Variants in CREB5 observed in about 807,000 individuals in gnomAD.
CREB5 encodes the protein cyclic AMP-responsive element-binding protein 5.
Under a neutral mutation model 57.1 loss-of-function variants are expected in CREB5, and 19 were observed. That is an observed-to-expected ratio of 0.33 (90% CI 0.23 to 0.49). The LOEUF (loss-of-function observed/expected upper bound fraction) is 0.49, where lower values mean the gene tolerates loss of function less well. CREB5 is among the 20% of genes least tolerant of loss of function. The pLI is 0.99. For missense variants in CREB5, 579 were observed against 671.6 expected (o/e 0.86, Z 1.52); for synonymous variants, 238 against 238.3 (o/e 1.00, Z 0.01).
At chr7:28,784,546 G>C (rs894146914) in intron 7 of CREB5, among the ~76,000 whole-genome samples, 1 of 152,012 alleles carries the variant, frequency 6.6e-6, no homozygotes, top group Non-Finnish European at 1.5e-5. Flanking sequence ...CCAACATAGA[G>C]TTGAAGTGAG....
chr7:28,747,083 G>T lies in CREB5; in HGVS notation c.702+22751G>T, dbSNP rs78032434. ...AATCATTTAGAAAAACTAGAAACAA[G>T]ACTTTTTTTTTTTTTCCTGAGGCTG... On this transcript the variant is annotated intron_variant, in intron 7 of 10. Coordinates refer to ENST00000357727, the MANE Select transcript of CREB5 (RefSeq NM_182898.4). Among the ~76,000 whole-genome samples the T allele has an allele frequency of 1.5e-3, 218 of 146,462 alleles. 4 individuals are homozygous for T. The East Asian group carries it at 0.037, about 25-fold the overall frequency.
intron 3 of CREB5, among the ~76,000 whole-genome samples, chr7:28,498,103 T>C (rs1203957418): frequency 6.6e-6 from 1 of 152,180 alleles, no homozygotes; most frequent in East Asian, 1.9e-4. Flanking sequence ...GAACTCACAC[T>C]AAAGCCTTCT....
intron 5 of CREB5, among the ~76,000 whole-genome samples, chr7:28,640,258 G>T (rs1387472722): frequency 6.6e-6 from 1 of 152,144 alleles, no homozygotes; most frequent in African/African-American, 2.4e-5. Flanking sequence ...AACCTTTACT[G>T]CCCTGCATTG....
chr7:28,611,489 T>TAA (rs59192497), intron 5 of CREB5, among the ~76,000 whole-genome samples: 3,472 of 47,930 alleles, frequency 0.072, 348 homozygotes, highest in Non-Finnish European at 0.085. Context: ...CCATCTCTAC[T>TAA]AAAAAAAAAA....
intron 1 of CREB5, among the ~76,000 whole-genome samples, chr7:28,310,252 AG>A (rs1785253363): frequency 6.6e-6 from 1 of 152,236 alleles, no homozygotes; most frequent in African/African-American, 2.4e-5. Context: ...ACTTTTACTC[AG>A]AATGAGCAAA....
intron 7 of CREB5, among the ~76,000 whole-genome samples, chr7:28,798,723 C>T (rs2128796522): frequency 6.6e-6 from 1 of 152,314 alleles, no homozygotes; most frequent in African/African-American, 2.4e-5. Context: ...CTAATTTTCT[C>T]TGATATAAAT....
chr7:28,381,764 G>A (rs565524701), intron 1 of CREB5, among the ~76,000 whole-genome samples: 1 of 152,150 alleles, frequency 6.6e-6, no homozygotes, highest in Non-Finnish European at 1.5e-5. Flanking sequence ...TAGAACCATA[G>A]CGAGGTGGAT....
At chr7:28,611,718 T>A (rs892858642) in intron 5 of CREB5, among the ~76,000 whole-genome samples, 1 of 139,014 alleles carries the variant, frequency 7.2e-6, no homozygotes, top group Non-Finnish European at 1.6e-5. Flanking sequence ...ATAAATAAAA[T>A]ATATATGTGC....
At chr7:28,534,076 A>G (rs1046744440) in intron 4 of CREB5, among the ~76,000 whole-genome samples, 1 of 152,214 alleles carries the variant, frequency 6.6e-6, no homozygotes, top group Non-Finnish European at 1.5e-5. Flanking sequence ...TGGGGGGAAG[A>G]GTCTCAGACC....
chr7:28,711,279 A>G (rs1420063527), intron 5 of CREB5, among the ~76,000 whole-genome samples: 1 of 152,216 alleles, frequency 6.6e-6, no homozygotes, highest in Non-Finnish European at 1.5e-5. Context: ...CTGTGTCACC[A>G]AAAGAAAAGC....
chr7:28,521,554 C>A (rs1793208986), intron 4 of CREB5, among the ~76,000 whole-genome samples: 1 of 152,142 alleles, frequency 6.6e-6, no homozygotes, highest in Non-Finnish European at 1.5e-5. Flanking sequence ...ATTATCTTGC[C>A]AAAATTCAAA....
intron 6 of CREB5, 31 bp downstream of exon 6, chr7:28,718,910 T>A: frequency 6.2e-7 from 1 of 1,613,580 alleles, no homozygotes; most frequent in South Asian, 1.1e-5. Flanking sequence ...CACAATAGCT[T>A]GTCACTTGCA....
intron 8 of CREB5, among the ~76,000 whole-genome samples, chr7:28,806,574 C>T (rs1337005532): frequency 6.6e-6 from 1 of 152,174 alleles, no homozygotes; most frequent in Non-Finnish European, 1.5e-5. Flanking sequence ...AATAAAATTA[C>T]AAGCGACAAT....
chr7:28,399,418 TAAAAA>T (rs34901571), intron 1 of CREB5, among the ~76,000 whole-genome samples: 1 of 128,148 alleles, frequency 7.8e-6, no homozygotes, highest in Non-Finnish European at 1.7e-5. Context: ...ATCATTCTGG[TAAAAA>T]AAAAAAAAAA....
At chr7:28,441,667 A>G (rs961150208) in intron 1 of CREB5, among the ~76,000 whole-genome samples, 2 of 152,188 alleles carry the variant, frequency 1.3e-5, no homozygotes, top group African/African-American at 2.4e-5. Context: ...GTAAGTTACC[A>G]TCATGTTTAA....
chr7:28,767,648 A>T (rs941573855), intron 7 of CREB5, among the ~76,000 whole-genome samples: 1 of 152,176 alleles, frequency 6.6e-6, no homozygotes, highest in Non-Finnish European at 1.5e-5. Context: ...CACACTGCAA[A>T]TCGGCACACA....
chr7:28,592,285 A>G (rs1796548345), intron 5 of CREB5, among the ~76,000 whole-genome samples: 1 of 152,238 alleles, frequency 6.6e-6, no homozygotes, highest in South Asian at 2.1e-4. Flanking sequence ...GAGCAGCAAT[A>G]AAGAATGAAT....
chr7:28,367,818 AACAG>A (rs1028669972), intron 1 of CREB5, among the ~76,000 whole-genome samples: 3 of 144,116 alleles, frequency 2.1e-5, no homozygotes, highest in South Asian at 4.4e-4. Flanking sequence ...AAAACAAACA[AACAG>A]ACAAACAAAC....
At chr7:28,517,630 G>T (rs1793030191) in intron 4 of CREB5, among the ~76,000 whole-genome samples, 1 of 152,206 alleles carries the variant, frequency 6.6e-6, no homozygotes, top group Non-Finnish European at 1.5e-5. Flanking sequence ...TGAGCCAGGT[G>T]GGGCTTACAA....
Sources: gnomAD v4.1 joint callset for allele counts (sites outside exome capture counted in the v4.1 genomes callset) on GRCh38, gnomAD v4.1.1 for gene constraint, MANE v1.5 for transcripts, NCBI Gene and HGNC (gene_info 2026-07-23, HGNC 2026-07-21) for gene names.